The following TBC1D22A variants were observed in gnomAD, a reference collection of about 807,000 sequenced individuals.
TBC1D22A encodes the protein TBC1 domain family member 22A, also known as putative GTPase activator.
TBC1D22A carries 38 observed loss-of-function variants against 60.2 expected under a neutral mutation model. The observed-to-expected ratio is 0.63, with a 90% confidence interval of 0.49 to 0.83. The LOEUF is 0.83. Ranked by LOEUF, TBC1D22A falls within the 40% of genes least tolerant of loss-of-function variation. TBC1D22A has a pLI of 0.00. For missense variants in TBC1D22A, 628 were observed against 701.0 expected, an observed-to-expected ratio of 0.90 and a Z score of 1.18; for synonymous variants, 302 against 281.7, an observed-to-expected ratio of 1.07 and a Z score of -0.72.
intron 4 of TBC1D22A, among the ~76,000 whole-genome samples, chr22:46,875,030 C>CT (rs1475671435): frequency 6.6e-6 from 1 of 152,182 alleles, no homozygotes. Context: ...TACATCTGCC[C>CT]TATGACCCAG....
At chr22:46,835,243 G>A (rs182412931) in intron 4 of TBC1D22A, among the ~76,000 whole-genome samples, 275 of 152,272 alleles carry the variant, frequency 1.8e-3, no homozygotes, top group Non-Finnish European at 1.7e-3. Flanking sequence ...ATGACCTGAC[G>A]AAAAGAACAT....
intron 10 of TBC1D22A, among the ~76,000 whole-genome samples, chr22:47,013,179 A>G (rs2061807022): frequency 6.6e-6 from 1 of 152,190 alleles, no homozygotes; most frequent in Non-Finnish European, 1.5e-5. Context: ...GAGTGGGAAC[A>G]GCCAAATTGC....
intron 7 of TBC1D22A, among the ~76,000 whole-genome samples, chr22:46,896,275 T>G (rs540262266): frequency 7.8e-4 from 118 of 152,198 alleles, no homozygotes; most frequent in Non-Finnish European, 1.2e-3. Flanking sequence ...CTTTGTCAGT[T>G]TGTATGTTGT....
chr22:47,024,041 C>T (rs1242070056), intron 10 of TBC1D22A, among the ~76,000 whole-genome samples: 3 of 152,142 alleles, frequency 2.0e-5, no homozygotes, highest in Non-Finnish European at 2.9e-5. Flanking sequence ...TGCCGCGGTG[C>T]GATGAAGATG....
At chr22:46,902,918 A>G (rs2069109067) in intron 7 of TBC1D22A, among the ~76,000 whole-genome samples, 2 of 150,352 alleles carry the variant, frequency 1.3e-5, no homozygotes. Flanking sequence ...CAATGAAACC[A>G]CAGTTTGTAT....
At chr22:46,944,587 A>AC (rs1287468883) in intron 8 of TBC1D22A, among the ~76,000 whole-genome samples, 5 of 152,148 alleles carry the variant, frequency 3.3e-5, no homozygotes, top group African/African-American at 7.2e-5. Context: ...TTTAGTAGAG[A>AC]TGGGGTTTCA....
In TBC1D22A at chr22:47,103,569, A is replaced by G. The variant is rs565739354; in HGVS notation, c.1330-7939A>G. Among the ~76,000 whole-genome samples the G allele has an allele frequency of 9.2e-5, 14 of 152,240 alleles. No individual in the cohort carries two copies. In the South Asian group the frequency reaches 2.9e-3, roughly 32 times the overall value. ...GTGGGTATTTAAAAATAAAATGGTGACATGATAGGAGCCCGCTGAATTAGA... is the reference window on the plus strand; with the variant it reads ...GTGGGTATTTAAAAATAAAATGGTGGCATGATAGGAGCCCGCTGAATTAGA... On this transcript the variant is annotated intron_variant, in intron 11 of 12. Transcript: ENST00000337137.
chr22:46,969,019 C>T (rs1443699743), intron 8 of TBC1D22A, among the ~76,000 whole-genome samples: 1 of 152,152 alleles, frequency 6.6e-6, no homozygotes. Context: ...CTATCCCCAC[C>T]TTGTAGCACC....
chr22:46,936,059 C>T (rs1027602480), intron 8 of TBC1D22A, among the ~76,000 whole-genome samples: 18 of 152,276 alleles, frequency 1.2e-4, no homozygotes, highest in African/African-American at 4.3e-4. Context: ...TGAGTTAATG[C>T]CAGGCTCTGA....
intron 4 of TBC1D22A, among the ~76,000 whole-genome samples, chr22:46,819,637 G>A (rs930140696): frequency 2.0e-5 from 3 of 152,190 alleles, no homozygotes; most frequent in African/African-American, 7.2e-5. Flanking sequence ...GATTTGGTTC[G>A]CCAGTATTTT....
At chr22:47,093,682 G>C (rs889544329) in intron 11 of TBC1D22A, among the ~76,000 whole-genome samples, 1 of 152,186 alleles carries the variant, frequency 6.6e-6, no homozygotes, top group Non-Finnish European at 1.5e-5. Context: ...ACATGAAAAC[G>C]ATCTGTCATC....
At chr22:47,140,125 C>T (rs1282389725) in intron 12 of TBC1D22A, among the ~76,000 whole-genome samples, 2 of 152,034 alleles carry the variant, frequency 1.3e-5, no homozygotes, top group Non-Finnish European at 2.9e-5. Flanking sequence ...AGCCACAGAC[C>T]TAATGTTGAG....
chr22:47,094,005 C>T (rs1031379367), intron 11 of TBC1D22A, among the ~76,000 whole-genome samples: 34 of 152,128 alleles, frequency 2.2e-4, no homozygotes, highest in African/African-American at 7.5e-4. Context: ...ATAGCAGGGA[C>T]GAAAAGTAAT....
intron 11 of TBC1D22A, among the ~76,000 whole-genome samples, chr22:47,098,935 G>GT (rs1201085338): frequency 1.3e-5 from 2 of 152,194 alleles, no homozygotes; most frequent in Non-Finnish European, 2.9e-5. Flanking sequence ...GTCAGGTGCT[G>GT]TTGTTGACTC....
intron 4 of TBC1D22A, among the ~76,000 whole-genome samples, chr22:46,863,832 C>A (rs1050130374): frequency 6.6e-6 from 1 of 152,176 alleles, no homozygotes; most frequent in Non-Finnish European, 1.5e-5. Flanking sequence ...AGATGCTCCC[C>A]CTCCGTGAAG....
intron 12 of TBC1D22A, among the ~76,000 whole-genome samples, chr22:47,142,426 CCCACCCACCCACCCA>C (rs2067129207): frequency 3.3e-5 from 1 of 30,714 alleles, no homozygotes; most frequent in Non-Finnish European, 6.5e-5. Flanking sequence ...CATCCATTCA[CCCACCCACCCACCCA>C]TCCATTCACC....
At chr22:46,964,361 C>T (rs2073694963) in intron 8 of TBC1D22A, among the ~76,000 whole-genome samples, 1 of 152,186 alleles carries the variant, frequency 6.6e-6, no homozygotes, top group African/African-American at 2.4e-5. Flanking sequence ...CCCCCACCTA[C>T]AGATGACCTG....
chr22:47,115,381 T>G (rs1318507257), intron 12 of TBC1D22A, among the ~76,000 whole-genome samples: 1 of 145,814 alleles, frequency 6.9e-6, no homozygotes, highest in African/African-American at 2.6e-5. Flanking sequence ...CATGTTGATG[T>G]CCAGTGGGGC....
At chr22:46,908,141 G>A (rs746780050) in intron 7 of TBC1D22A, among the ~76,000 whole-genome samples, 5 of 152,232 alleles carry the variant, frequency 3.3e-5, no homozygotes, top group African/African-American at 7.2e-5. Flanking sequence ...GCTGCTCAGC[G>A]GGATGTGGAG....
Sources: allele counts gnomAD v4.1 joint callset (sites outside exome capture counted in the v4.1 genomes callset), GRCh38; gene constraint gnomAD v4.1.1; transcripts MANE v1.5; gene names NCBI Gene and HGNC (gene_info 2026-07-23, HGNC 2026-07-21).